DST: variants seen among roughly 807,000 people sequenced by gnomAD.
DST encodes dystonin, also known as bullous pemphigoid antigen.
In DST, 253 loss-of-function variants were observed where a neutral mutation model predicts 875.2. The observed-to-expected ratio is 0.29, with a 90% confidence interval of 0.26 to 0.32. The LOEUF is 0.32. DST is among the 10% of genes least tolerant of loss of function. DST has a pLI of 1.00. For synonymous variants in DST, 3,124 were observed against 3,197.1 expected, an observed-to-expected ratio of 0.98 and a Z score of 0.77; for missense variants, 8,287 against 9,111.6, an observed-to-expected ratio of 0.91 and a Z score of 3.68.
rs1031850549 is a variant in DST at position 56,700,863 on chromosome 6, G to T, written c.954+1025C>A. Among the ~76,000 whole-genome samples the T allele has an allele frequency of 3.3e-5, 5 of 152,066 alleles. No individual in the cohort carries two copies. The East Asian group carries it at 9.6e-4, about 29-fold the overall frequency. ...ATAACATTTAAAATATTTAAGCACT[G>T]AGGATTTACTAGTATTTAATAGGGA... is the stretch of plus-strand genomic sequence containing the variant. On this transcript the variant is annotated intron_variant, in intron 8 of 103. Coordinates refer to ENST00000680361, the MANE Select transcript of DST (RefSeq NM_001374736.1).
At chr6:56,786,048 G>A (rs976877243) in intron 4 of DST, among the ~76,000 whole-genome samples, 2 of 152,074 alleles carry the variant, frequency 1.3e-5, no homozygotes, top group African/African-American at 4.8e-5. Context: ...TCATTTTCAT[G>A]TCCCCAGCAC....
intron 4 of DST, among the ~76,000 whole-genome samples, chr6:56,748,298 A>G (rs540656084): frequency 6.6e-6 from 1 of 152,300 alleles, no homozygotes; most frequent in East Asian, 1.9e-4. Context: ...TATGGTAAGG[A>G]CAAAAAACAA....
chr6:56,611,537 T>C lies in DST; in HGVS notation c.5118A>G (p.Ile1706Met), dbSNP rs2152720538. Residue 1706 changes from isoleucine to methionine, a missense_variant, in exon 38 of 104, where the codon ATA becomes ATG. Physicochemically the swap from Ile to Met is conservative, Grantham distance 10. This residue lies in a region of DST where 3,138 missense variants were observed against 3,116.6 expected (regional missense o/e 1.01). Transcript: ENST00000680361. ...CTCCATGTTTTGCCAAAAAAAGCTG[T>C]ATAGTTTGAAGTGCTTCCGATAATT... ...KEQLSEALQT[I>M]QLFLAKHGDK... is the part of the protein sequence containing the mutation. 6.2e-7 allele frequency: 1 copy of C among 1,613,104 alleles called. No individual in the cohort carries two copies. The highest frequency in any genetic ancestry group is 8.5e-7 in the Non-Finnish European group (1 of 1,179,416).
intron 3 of DST, among the ~76,000 whole-genome samples, chr6:56,859,816 T>C (rs1211395492): frequency 6.6e-6 from 1 of 152,164 alleles, no homozygotes; most frequent in Non-Finnish European, 1.5e-5. Flanking sequence ...AATATGTCTT[T>C]TAGTGGAATA....
chr6:56,674,386 C>A (rs1434549628), intron 9 of DST, among the ~76,000 whole-genome samples: 7 of 152,110 alleles, frequency 4.6e-5, no homozygotes, highest in Non-Finnish European at 8.8e-5. Context: ...CAACCTCCAC[C>A]TCCCGGGTTC....
At chr6:56,560,845 T>G (rs1053451179) in intron 57 of DST, among the ~76,000 whole-genome samples, 1 of 152,132 alleles carries the variant, frequency 6.6e-6, no homozygotes, top group Admixed American at 6.6e-5. Flanking sequence ...CAAATGTAGG[T>G]TGGTAATTTG....
At chr6:56,463,848 C>A in intron 100 of DST, 84 bp from the exon 101 acceptor site, 1 of 1,345,598 alleles carries the variant, frequency 7.4e-7, no homozygotes, top group Non-Finnish European at 1.1e-6. Context: ...GAACGGCCAC[C>A]TGGCACCAGA....
chr6:56,680,958 C>A (rs1001431885), intron 9 of DST, among the ~76,000 whole-genome samples: 1 of 152,174 alleles, frequency 6.6e-6, no homozygotes, highest in Non-Finnish European at 1.5e-5. Flanking sequence ...TTACAATATA[C>A]AATATCATTT....
chr6:56,826,857 T>TTCTC (rs2099781067), intron 4 of DST, among the ~76,000 whole-genome samples: 1 of 152,206 alleles, frequency 6.6e-6, no homozygotes, highest in Admixed American at 6.5e-5. Context: ...AGATGTGTCT[T>TTCTC]CAGCAGCATC....
chr6:56,717,182 C>CAAATAAATAAATAAAT (rs35485370), intron 5 of DST, among the ~76,000 whole-genome samples: 91 of 142,750 alleles, frequency 6.4e-4, no homozygotes, highest in Admixed American at 1.0e-3. Flanking sequence ...GACTCCGTCT[C>CAAATAAATAAATAAAT]AAATAAATAA....
At chr6:56,635,102 G>A in intron 24 of DST, 149 bp from the exon 25 acceptor site, 1 of 667,034 alleles carries the variant, frequency 1.5e-6, no homozygotes, top group Non-Finnish European at 2.5e-6. Context: ...ACCCCATCTT[G>A]TATCCCTCTT....
intron 4 of DST, among the ~76,000 whole-genome samples, chr6:56,803,364 T>C (rs553807034): frequency 2.6e-5 from 4 of 152,322 alleles, no homozygotes; most frequent in Middle Eastern, 3.4e-3. Flanking sequence ...TTTTTTTCTT[T>C]CTTAATATCT....
intron 12 of DST, among the ~76,000 whole-genome samples, chr6:56,650,207 G>T (rs1206079279): frequency 6.6e-6 from 1 of 151,652 alleles, no homozygotes; most frequent in African/African-American, 2.4e-5. Flanking sequence ...GGGGAAAAAA[G>T]GTGTCTGCAA....
chr6:56,683,200 T>C (rs1376430830), intron 9 of DST, among the ~76,000 whole-genome samples: 6 of 152,218 alleles, frequency 3.9e-5, no homozygotes, highest in Admixed American at 1.3e-4. Context: ...TCAAGGCAAC[T>C]ATTATCTCTA....
chr6:56,485,177 A>T (rs2095520876), intron 88 of DST, 135 bp downstream of exon 88: 2 of 968,096 alleles, frequency 2.1e-6, no homozygotes, highest in African/African-American at 3.3e-5. Context: ...ACGGACACAT[A>T]TTTCAACAAT....
chr6:56,512,304 A>G (rs1245782288), intron 72 of DST, among the ~76,000 whole-genome samples: 1 of 152,170 alleles, frequency 6.6e-6, no homozygotes, highest in Non-Finnish European at 1.5e-5. Flanking sequence ...AATAGAGAAG[A>G]TGTGTTGGAA....
chr6:56,763,311 G>A (rs113920137), intron 4 of DST, among the ~76,000 whole-genome samples: 2,182 of 152,134 alleles, frequency 0.014, 48 homozygotes, highest in African/African-American at 0.05. Context: ...AAGTCAAAGC[G>A]CTGCTTCTTT....
rs6914662 is a variant in DST, at chr6:56,686,217, C to T, written c.1047+13436G>A. On this transcript the variant is annotated intron_variant, in intron 9 of 103. Transcript: ENST00000680361. Reference sequence around the variant, plus strand: ...CACAGGAACAGAATACCAAAAACCACATTTTCTGACTTATCAGTGACAGCT... The same window carrying T: ...CACAGGAACAGAATACCAAAAACCATATTTTCTGACTTATCAGTGACAGCT... 6.3e-3 allele frequency among the ~76,000 whole-genome samples: 963 copies of T among 152,326 alleles called. 8 individuals carry two copies. Among genetic ancestry groups the T allele is most frequent in the Middle Eastern group, 0.051 (15 of 294 alleles).
chr6:56,722,475 CCAG>C (rs1402920526), intron 5 of DST, among the ~76,000 whole-genome samples: 2 of 152,160 alleles, frequency 1.3e-5, no homozygotes, highest in Non-Finnish European at 2.9e-5. Context: ...CCTCTGCCTC[CCAG>C]TTTCAAGTGA....
Sources: gnomAD v4.1 joint callset for allele counts (sites outside exome capture counted in the v4.1 genomes callset) on GRCh38, gnomAD v4.1.1 for gene constraint, gnomAD v4.1.1 regional missense constraint, MANE v1.5 for transcripts, NCBI Gene and HGNC (gene_info 2026-07-23, HGNC 2026-07-21) for gene names.